NAV2: variants seen among roughly 807,000 people sequenced by gnomAD.
NAV2 encodes helicase, APC down-regulated 1.
NAV2 carries 54 observed loss-of-function variants against 223.2 expected under a neutral mutation model. That is an observed-to-expected ratio of 0.24 (90% CI 0.19 to 0.30). The LOEUF (loss-of-function observed/expected upper bound fraction) is 0.30. Among genes scored for constraint, NAV2 ranks in the 10% least tolerant of loss-of-function variants. The pLI is 1.00. For missense variants in NAV2, 2,806 were observed against 3,147.5 expected, an observed-to-expected ratio of 0.89 and a Z score of 2.60; for synonymous variants, 1,279 against 1,239.3, an observed-to-expected ratio of 1.03 and a Z score of -0.67.
intron 1 of NAV2, among the ~76,000 whole-genome samples, chr11:19,493,820 C>T (rs2134095699): frequency 6.6e-6 from 1 of 152,336 alleles, no homozygotes; most frequent in South Asian, 2.1e-4. Flanking sequence ...GAATGCCACC[C>T]AGAGAGTGGA....
intron 1 of NAV2, among the ~76,000 whole-genome samples, chr11:19,393,019 C>G (rs548899839): frequency 5.8e-4 from 88 of 152,332 alleles, no homozygotes; most frequent in Non-Finnish European, 7.8e-4. Flanking sequence ...ACTGATGTCA[C>G]TCAGCATTGT....
At chr11:19,651,532 A>G (rs1425780147) in intron 1 of NAV2, among the ~76,000 whole-genome samples, 1 of 152,208 alleles carries the variant, frequency 6.6e-6, no homozygotes, top group East Asian at 1.9e-4. Flanking sequence ...TGGTCAGACC[A>G]TGCCTTGGGT....
chr11:19,369,464 T>A (rs1266414497), intron 1 of NAV2, among the ~76,000 whole-genome samples: 1 of 152,212 alleles, frequency 6.6e-6, no homozygotes, highest in African/African-American at 2.4e-5. Flanking sequence ...TATCACTTAA[T>A]GTGATTTCTT....
chr11:19,590,212 C>T (rs1202486714), intron 1 of NAV2, among the ~76,000 whole-genome samples: 1 of 152,206 alleles, frequency 6.6e-6, no homozygotes, highest in East Asian at 1.9e-4. Flanking sequence ...ATAACGGTTC[C>T]TGGCACACAC....
chr11:20,059,144 G>T (rs1347749667), intron 19 of NAV2, among the ~76,000 whole-genome samples: 2 of 151,636 alleles, frequency 1.3e-5, no homozygotes, highest in Non-Finnish European at 2.9e-5. Flanking sequence ...GTTTTGTGAT[G>T]CTTCCTTTGC....
rs1347483214 is a variant in NAV2, at chr11:20,045,588, G to A, written c.3820G>A (p.Ala1274Thr). 2 of 1,614,194 alleles carry A rather than the reference G, an allele frequency of 1.2e-6. No homozygotes were observed. The highest frequency in any genetic ancestry group is 8.5e-7 in the Non-Finnish European group (1 of 1,180,042). The change falls in exon 14 of 38, where the codon GCC becomes ACC. Residue 1274 changes from alanine to threonine, a missense_variant. By Grantham distance (58) the Ala-to-Thr change is moderately conservative. Transcript: ENST00000349880. ...SCNSVKVNPA[A>T]QPVSSPAQTS... ...TAACTCGGTGAAAGTGAATCCGGCA[G>A]CCCAGCCTGTGTCCAGTCCGGCTCA...
chr11:20,106,626 G>GTTTTTGTTT (rs1554969327), intron 35 of NAV2, among the ~76,000 whole-genome samples: 2 of 149,536 alleles, frequency 1.3e-5, no homozygotes, highest in African/African-American at 4.9e-5. Context: ...CTACTCAGTT[G>GTTTTTGTTT]TTGTTTTTGT....
In NAV2 at chr11:20,114,744, G is replaced by A. The variant is rs768138982; in HGVS notation, c.7113G>A (p.Glu2371=). The change falls in exon 37 of 38, where the codon GAG becomes GAA. Residue 2371 remains glutamate, a synonymous_variant. Transcript: ENST00000349880. ...TCGACGGCTACTCCATGCCTCGGGA[G>A]GGATCGACAAGCAAGCAGATGCCCC... is the stretch of plus-strand genomic sequence containing the variant. ...VGFDGYSMPR[E]GSTSKQMPPS... The A allele has an allele frequency of 2.5e-6, 4 of 1,614,094 alleles. No homozygotes were observed. The highest frequency in any genetic ancestry group is 1.7e-5 in the Admixed American group (1 of 60,014).
At chr11:19,589,102 G>C (rs1390926835) in intron 1 of NAV2, among the ~76,000 whole-genome samples, 3 of 152,176 alleles carry the variant, frequency 2.0e-5, no homozygotes, top group African/African-American at 7.2e-5. Flanking sequence ...TTGAATCACG[G>C]CCCTCAACCC....
chr11:19,959,299 C>T (rs2048155732), intron 10 of NAV2, among the ~76,000 whole-genome samples: 1 of 152,170 alleles, frequency 6.6e-6, no homozygotes, highest in Non-Finnish European at 1.5e-5. Context: ...CCCGGAGGAA[C>T]TCAGGGCGCA....
intron 3 of NAV2, among the ~76,000 whole-genome samples, chr11:19,848,830 G>A (rs950744572): frequency 6.6e-6 from 1 of 152,170 alleles, no homozygotes; most frequent in African/African-American, 2.4e-5. Context: ...GAATTCATTT[G>A]TATGCCTACA....
At chr11:20,097,490 T>C in intron 30 of NAV2, 87 bp from the exon 31 acceptor site, 2 of 1,080,272 alleles carry the variant, frequency 1.9e-6, no homozygotes, top group South Asian at 1.8e-5. Flanking sequence ...GAAGAGAATA[T>C]GATCATAAAT....
intron 1 of NAV2, among the ~76,000 whole-genome samples, chr11:19,429,656 G>A (rs1057328876): frequency 2.0e-5 from 3 of 152,230 alleles, no homozygotes; most frequent in African/African-American, 7.2e-5. Flanking sequence ...TGTTGGCTGG[G>A]CACTCCCAAG....
chr11:19,409,113 G>C (rs904616114), intron 1 of NAV2, among the ~76,000 whole-genome samples: 2 of 152,030 alleles, frequency 1.3e-5, no homozygotes, highest in Non-Finnish European at 2.9e-5. Context: ...TTCCCCTTTG[G>C]GAACATCAGC....
chr11:19,544,859 T>C (rs1390549515), intron 1 of NAV2, among the ~76,000 whole-genome samples: 19 of 152,210 alleles, frequency 1.2e-4, no homozygotes, highest in Admixed American at 1.2e-3. Flanking sequence ...CAGCCTAATT[T>C]CCTTGAGAGA....
intron 6 of NAV2, among the ~76,000 whole-genome samples, chr11:19,893,825 T>C (rs2041718320): frequency 6.6e-6 from 1 of 152,218 alleles, no homozygotes; most frequent in Non-Finnish European, 1.5e-5. Context: ...CTTTCCTGCT[T>C]CCTTGCCCTC....
chr11:19,927,722 C>A lies in NAV2; in HGVS notation c.932-5454C>A, dbSNP rs184883381. 6.8e-3 allele frequency among the ~76,000 whole-genome samples: 906 copies of A among 132,306 alleles called. 6 individuals are homozygous for A. Among genetic ancestry groups the A allele is most frequent in the African/African-American group, 0.024 (816 of 33,844 alleles). 86.8% of individuals were successfully genotyped at this position (132,306 alleles called of 152,430 possible). A position where few individuals can be genotyped will look rare whatever the true frequency, so the allele number is the denominator to read the frequency against. Reference sequence around the variant, plus strand: ...ACAAAACAAAACAAAACAAAAAAAACCTGTTTAAGGGCTCTGCAATCAGCA... The same window carrying A: ...ACAAAACAAAACAAAACAAAAAAAAACTGTTTAAGGGCTCTGCAATCAGCA... On this transcript the variant is annotated intron_variant, in intron 6 of 37. Transcript: ENST00000349880.
rs2568123 is a variant in NAV2, at chr11:20,011,798, C to T, written c.2769-24161C>T. On this transcript the variant is annotated intron_variant, in intron 11 of 37. Transcript: ENST00000349880. The stretch of plus-strand genomic sequence containing the variant: ...TTCTTAATGGTCACACACAGGATTC[C>T]ATTCTATGTGGCGGAGCCATAATTT... Among the ~76,000 whole-genome samples the T allele has an allele frequency of 7.4e-3, 1,125 of 152,354 alleles. 15 individuals are homozygous for T. Among genetic ancestry groups the T allele is most frequent in the African/African-American group, 0.026 (1,067 of 41,578 alleles).
intron 25 of NAV2, among the ~76,000 whole-genome samples, chr11:20,081,982 A>T: frequency 6.6e-6 from 1 of 152,342 alleles, no homozygotes; most frequent in East Asian, 1.9e-4. Context: ...CGGGGGGGAA[A>T]GAATTTTCAG....
Sources: allele counts gnomAD v4.1 joint callset (sites outside exome capture counted in the v4.1 genomes callset), GRCh38; gene constraint gnomAD v4.1.1; transcripts MANE v1.5; gene names NCBI Gene and HGNC (gene_info 2026-07-23, HGNC 2026-07-21).